RAD17: variants seen among roughly 807,000 people sequenced by gnomAD.
RAD17 encodes cell cycle checkpoint protein RAD17.
Under a neutral mutation model 81.5 loss-of-function variants are expected in RAD17, and 31 were observed. The observed-to-expected ratio is 0.38, with a 90% CI of 0.29 to 0.51. RAD17 has a LOEUF of 0.51. RAD17 is among the 20% of genes least tolerant of loss of function. RAD17 has a pLI of 0.88. For missense variants in RAD17, 681 were observed against 781.2 expected (o/e 0.87, Z 1.53); for synonymous variants, 261 against 266.2 (o/e 0.98, Z 0.19).
intron 17 of RAD17, among the ~76,000 whole-genome samples, chr5:69,403,450 A>G (rs950504386): frequency 6.6e-6 from 1 of 152,234 alleles, no homozygotes; most frequent in African/African-American, 2.4e-5. Context: ...GATTCTGACC[A>G]ACAGATTCAT....
intron 8 of RAD17, among the ~76,000 whole-genome samples, chr5:69,385,151 G>A (rs895175080): frequency 4.6e-5 from 7 of 151,692 alleles, no homozygotes; most frequent in South Asian, 2.1e-4. Flanking sequence ...TAGTAGAGAC[G>A]GGGTTTCACT....
chr5:69,412,757 G>A (rs1365215685), intron 18 of RAD17, among the ~76,000 whole-genome samples: 1 of 152,120 alleles, frequency 6.6e-6, no homozygotes, highest in Non-Finnish European at 1.5e-5. Context: ...GGGAGGCTGA[G>A]GTGGGTGGAT....
chr5:69,381,968 C>T lies in RAD17; in HGVS notation c.419C>T (p.Ser140Leu). The change falls in exon 7 of 19, where the codon TCA (serine) becomes TTA (leucine). Residue 140 changes from serine to leucine, a missense_variant. Transcript: ENST00000354868. ...CGKTTTLKILSKEHGIQVQEW... is the reference protein window; with the variant it reads ...CGKTTTLKILLKEHGIQVQEW... ...AAGACAACGACCTTAAAAATACTAT[C>T]AAAGGAGCATGGTATTCAAGTACAA... 6.2e-7 allele frequency: 1 copy of T among 1,605,974 alleles called. No homozygotes were observed. Among genetic ancestry groups the T allele is most frequent in the Non-Finnish European group, 8.5e-7 (1 of 1,172,810 alleles).
intron 18 of RAD17, among the ~76,000 whole-genome samples, chr5:69,412,832 T>C (rs1313612366): frequency 6.6e-6 from 1 of 151,786 alleles, no homozygotes; most frequent in African/African-American, 2.4e-5. Flanking sequence ...CTGCTAAAAA[T>C]ACAAAAACTA....
chr5:69,392,120 G>C, intron 13 of RAD17, 107 bp downstream of exon 13: 10 of 934,974 alleles, frequency 1.1e-5, no homozygotes, highest in South Asian at 2.1e-5. Context: ...TCTGCTCTAA[G>C]AGTTAGAGCT....
Position 69,414,369 on chromosome 5 carries a change from A to G in RAD17, c.*77A>G. Reference sequence around the variant, plus strand: ...TCAGTGGTACTTCAGCAGAGTTAATATGCTTTTCTGATGAATTACACAACA... The same window carrying G: ...TCAGTGGTACTTCAGCAGAGTTAATGTGCTTTTCTGATGAATTACACAACA... On this transcript the variant is annotated 3_prime_UTR_variant, in exon 19 of 19. Transcript: ENST00000354868. 2 of 1,442,218 alleles carry G rather than the reference A, an allele frequency of 1.4e-6. No individual in the cohort carries two copies. Among genetic ancestry groups the G allele is most frequent in the Non-Finnish European group, 1.9e-6 (2 of 1,053,454 alleles). The allele number at this position is 1,442,218 out of a possible 1,614,324, so 89.3% of individuals were successfully genotyped here.
intron 17 of RAD17, among the ~76,000 whole-genome samples, chr5:69,405,074 A>G (rs143247247): frequency 0.011 from 1,708 of 152,322 alleles, 15 homozygotes; most frequent in Non-Finnish European, 0.017. Flanking sequence ...ATCATATTAC[A>G]CCAGTTAGAA....
At chr5:69,379,094 T>G (rs1341877140) in intron 6 of RAD17, among the ~76,000 whole-genome samples, 1 of 151,998 alleles carries the variant, frequency 6.6e-6, no homozygotes, top group Non-Finnish European at 1.5e-5. Context: ...ATGCAAAAAT[T>G]AGCCAGGCAT....
intron 17 of RAD17, among the ~76,000 whole-genome samples, chr5:69,407,344 G>C (rs1226932460): frequency 6.6e-6 from 1 of 152,008 alleles, no homozygotes; most frequent in Non-Finnish European, 1.5e-5. Context: ...ATAAAAATTA[G>C]TAAAAGTAAG....
chr5:69,411,739 C>T (rs557436338), intron 18 of RAD17, among the ~76,000 whole-genome samples: 1 of 152,184 alleles, frequency 6.6e-6, no homozygotes, highest in Non-Finnish European at 1.5e-5. Context: ...CTTCTCACAT[C>T]CCTCTGAATG....
At chr5:69,369,617 CT>C (rs1338982583), upstream of RAD17, 15 of 1,576,168 alleles carry the variant, frequency 9.5e-6, no homozygotes, top group East Asian at 3.1e-4. Flanking sequence ...CGCGGCGCCC[CT>C]AGCCTGCCCC....
At chr5:69,409,298 C>T (rs1326455657) in intron 17 of RAD17, among the ~76,000 whole-genome samples, 1 of 152,104 alleles carries the variant, frequency 6.6e-6, no homozygotes, top group Non-Finnish European at 1.5e-5. Context: ...TGGGTTAGAA[C>T]CTCTTATCCT....
chr5:69,371,955 C>T (rs1469817253), intron 3 of RAD17, 79 bp from the exon 4 acceptor site: 2 of 765,498 alleles, frequency 2.6e-6, no homozygotes, highest in East Asian at 6.6e-5. Flanking sequence ...GTAGCTATTT[C>T]CCTAAGTGGT....
chr5:69,377,413 AG>A (rs1477005583), intron 6 of RAD17, among the ~76,000 whole-genome samples: 1 of 128,548 alleles, frequency 7.8e-6, no homozygotes, highest in African/African-American at 3.1e-5. Flanking sequence ...GGATAAACTT[AG>A]GTATATGTGT....
At chr5:69,402,710 CT>C (rs1244153416) in intron 17 of RAD17, among the ~76,000 whole-genome samples, 1 of 151,632 alleles carries the variant, frequency 6.6e-6, no homozygotes, top group Non-Finnish European at 1.5e-5. Flanking sequence ...ACAAAAAATT[CT>C]TGTATATCCT....
chr5:69,384,835 G>A lies in RAD17; in HGVS notation c.547G>A (p.Ala183Thr). The change falls in exon 8 of 19, where the codon GCA (alanine) becomes ACA (threonine). Residue 183 changes from alanine (A) to threonine (T), a missense_variant. Coordinates refer to ENST00000354868, the MANE Select transcript of RAD17 (RefSeq NM_133338.3). Reference protein sequence around the residue: ...FHMFPYQSQIAVFKEFLLRAT... With the variant: ...FHMFPYQSQITVFKEFLLRAT... ...TATGTTTCCCTATCAGTCTCAGATA[G>A]CAGTTTTCAAAGAGTTTCTACTAAG... The A allele has an allele frequency of 6.2e-7, 1 of 1,612,086 alleles. No homozygotes were observed. Among genetic ancestry groups the A allele is most frequent in the Non-Finnish European group, 8.5e-7 (1 of 1,178,516 alleles).
At chr5:69,405,624 G>T (rs1158943121) in intron 17 of RAD17, among the ~76,000 whole-genome samples, 1 of 151,614 alleles carries the variant, frequency 6.6e-6, no homozygotes, top group Non-Finnish European at 1.5e-5. Context: ...CCACGATCAC[G>T]CCATTGCACC....
At chr5:69,388,077 G>A (rs1764326136) in intron 11 of RAD17, among the ~76,000 whole-genome samples, 1 of 152,156 alleles carries the variant, frequency 6.6e-6, no homozygotes, top group East Asian at 1.9e-4. Flanking sequence ...TTGAGCCATG[G>A]TGCATGCCTG....
intron 8 of RAD17, 87 bp from the exon 9 acceptor site, chr5:69,385,956 T>C: frequency 8.1e-7 from 1 of 1,229,972 alleles, no homozygotes; most frequent in Non-Finnish European, 1.1e-6. Flanking sequence ...ATAAATATAT[T>C]TTTGCCTACC....
Sources: allele counts gnomAD v4.1 joint callset (sites outside exome capture counted in the v4.1 genomes callset), GRCh38; gene constraint gnomAD v4.1.1; transcripts MANE v1.5; gene names NCBI Gene and HGNC (gene_info 2026-07-23, HGNC 2026-07-21).